Variants in KCNIP4 observed in about 807,000 individuals in gnomAD.
The protein encoded by KCNIP4 is Kv channel-interacting protein 4.
Under a neutral mutation model 34.0 loss-of-function variants are expected in KCNIP4, and 12 were observed. The observed-to-expected ratio is 0.35, with a 90% CI of 0.23 to 0.57. KCNIP4 has a LOEUF of 0.57. Ranked by LOEUF, KCNIP4 falls within the 20% of genes least tolerant of loss-of-function variation. The pLI, the probability that KCNIP4 is intolerant of heterozygous loss-of-function variation, is 0.83. For missense variants in KCNIP4, 238 were observed against 311.7 expected, an observed-to-expected ratio of 0.76 and a Z score of 1.78; for synonymous variants, 124 against 102.2, an observed-to-expected ratio of 1.21 and a Z score of -1.29.
chr4:21,025,620 T>C lies in KCNIP4; in HGVS notation c.62-142911A>G, dbSNP rs567588416. Among the ~76,000 whole-genome samples, 11 of 138,572 alleles carry C rather than the reference T, an allele frequency of 7.9e-5. No individual in the cohort carries two copies. In the East Asian group the frequency reaches 1.8e-3, roughly 22 times the overall value. 90.9% of individuals were successfully genotyped at this position (138,572 alleles called of 152,430 possible). On this transcript the variant is annotated intron_variant, in intron 1 of 8. Transcript: ENST00000382152. Reference sequence around the variant, plus strand: ...CCAGGCTAGAGTGCAGTGGTGCGATTTCGCCTCACTGCCAGCTCTGCCTCC... The same window carrying C: ...CCAGGCTAGAGTGCAGTGGTGCGATCTCGCCTCACTGCCAGCTCTGCCTCC...
chr4:21,697,991 G>A (rs1712526455), intron 1 of KCNIP4: 1 of 152,572 alleles, frequency 6.6e-6, no homozygotes, highest in Admixed American at 6.6e-5. Flanking sequence ...AAAGGAGGTG[G>A]GGAGAGGGAA....
At chr4:21,705,583 G>A (rs1287313102) in intron 1 of KCNIP4, among the ~76,000 whole-genome samples, 1 of 152,080 alleles carries the variant, frequency 6.6e-6, no homozygotes, top group African/African-American at 2.4e-5. Flanking sequence ...ATGGGGAACG[G>A]GGAAAGAAAC....
At chr4:21,852,970 C>T (rs1724504994) in intron 1 of KCNIP4, 1 of 152,168 alleles carries the variant, frequency 6.6e-6, no homozygotes, top group South Asian at 2.1e-4. Flanking sequence ...AGCTTTTTAA[C>T]ATACAATCAC....
chr4:21,571,563 C>A (rs146030821), intron 1 of KCNIP4, among the ~76,000 whole-genome samples: 1 of 152,154 alleles, frequency 6.6e-6, no homozygotes, highest in Non-Finnish European at 1.5e-5. Flanking sequence ...AGGTATTATG[C>A]AAGTGTTAAC....
At chr4:21,484,430 T>TAAAAA (rs71191509) in intron 1 of KCNIP4, among the ~76,000 whole-genome samples, 17,030 of 149,228 alleles carry the variant, frequency 0.11, 1,111 homozygotes, top group South Asian at 0.17. Context: ...TCCGTCACAA[T>TAAAAA]AAAAAAAAAA....
chr4:21,672,835 G>A (rs1749607275), intron 1 of KCNIP4, among the ~76,000 whole-genome samples: 1 of 152,208 alleles, frequency 6.6e-6, no homozygotes, highest in Admixed American at 6.5e-5. Context: ...TCAAGGTATA[G>A]GCTAGAGCCA....
intron 1 of KCNIP4, among the ~76,000 whole-genome samples, chr4:21,148,026 A>T (rs569050075): frequency 2.7e-4 from 41 of 151,018 alleles, no homozygotes; most frequent in African/African-American, 9.5e-4. Context: ...TACTATTTTT[A>T]TGAATTCTGG....
chr4:20,821,802 A>C (rs1302351944), intron 3 of KCNIP4, among the ~76,000 whole-genome samples: 4 of 152,274 alleles, frequency 2.6e-5, no homozygotes, highest in African/African-American at 9.6e-5. Context: ...TTGCTGCAAA[A>C]GACATTTTTC....
intron 1 of KCNIP4, among the ~76,000 whole-genome samples, chr4:21,275,542 A>G (rs1325485328): frequency 6.6e-6 from 1 of 152,222 alleles, no homozygotes; most frequent in Admixed American, 6.5e-5. Context: ...ACCACAGGCC[A>G]GGTCTAAATA....
chr4:20,978,112 G>A (rs192232148), intron 1 of KCNIP4, among the ~76,000 whole-genome samples: 1 of 152,266 alleles, frequency 6.6e-6, no homozygotes, highest in African/African-American at 2.4e-5. Context: ...CATATAAGCG[G>A]GGACTCTGCA....
intron 1 of KCNIP4, among the ~76,000 whole-genome samples, chr4:21,192,749 T>G (rs1050805105): frequency 1.3e-4 from 19 of 151,968 alleles, no homozygotes; most frequent in African/African-American, 4.6e-4. Flanking sequence ...AATAAAAAAA[T>G]TCTTTATTTA....
chr4:20,777,040 C>T lies in KCNIP4; in HGVS notation c.289-18150G>A, dbSNP rs144289329. Among the ~76,000 whole-genome samples the T allele has an allele frequency of 4.1e-3, 628 of 152,122 alleles. 4 individuals carry two copies. The highest frequency in any genetic ancestry group is 0.014 in the African/African-American group (595 of 41,498). ...TCTCCATTATGATCATATTGGGAGG[C>T]GGGGTCTTTGGGAGGTGTGTTAGTT... is the stretch of plus-strand genomic sequence containing the variant. On this transcript the variant is annotated intron_variant, in intron 3 of 8. Coordinates refer to ENST00000382152, the MANE Select transcript of KCNIP4 (RefSeq NM_025221.6).
At chr4:21,330,643 G>A (rs1456672135) in intron 1 of KCNIP4, among the ~76,000 whole-genome samples, 2 of 152,040 alleles carry the variant, frequency 1.3e-5, no homozygotes, top group African/African-American at 2.4e-5. Flanking sequence ...ACCCTATAGA[G>A]CATTCCGCAT....
intron 1 of KCNIP4, among the ~76,000 whole-genome samples, chr4:21,288,647 A>T (rs780182425): frequency 5.9e-5 from 9 of 152,168 alleles, no homozygotes; most frequent in Non-Finnish European, 5.9e-5. Context: ...ATGGTGCCCA[A>T]CATTACAAAT....
intron 1 of KCNIP4, among the ~76,000 whole-genome samples, chr4:21,179,973 C>A (rs904904962): frequency 6.6e-6 from 1 of 152,092 alleles, no homozygotes; most frequent in East Asian, 1.9e-4. Context: ...ATGCACTGAG[C>A]AAAGCACAGA....
intron 1 of KCNIP4, among the ~76,000 whole-genome samples, chr4:21,793,367 T>C (rs7674954): frequency 0.28 from 42,851 of 151,948 alleles, 10,154 homozygotes; most frequent in African/African-American, 0.65. Flanking sequence ...AAGCAATTCT[T>C]CTGCCTCAGC....
chr4:21,218,209 T>A (rs987269247), intron 1 of KCNIP4, among the ~76,000 whole-genome samples: 3 of 151,762 alleles, frequency 2.0e-5, no homozygotes, highest in Admixed American at 1.3e-4. Context: ...GAGACAGAGT[T>A]TCACCATGTT....
chr4:20,983,254 C>T (rs932358474), intron 1 of KCNIP4, among the ~76,000 whole-genome samples: 4 of 152,176 alleles, frequency 2.6e-5, no homozygotes, highest in Non-Finnish European at 5.9e-5. Flanking sequence ...CAATGAGACT[C>T]ACTGGGGAAT....
chr4:21,293,050 G>C (rs767776756), intron 1 of KCNIP4, among the ~76,000 whole-genome samples: 1 of 152,102 alleles, frequency 6.6e-6, no homozygotes, highest in Non-Finnish European at 1.5e-5. Context: ...GGTGATACTC[G>C]ACATCTGTAG....
Sources: gnomAD v4.1 joint callset for allele counts (sites outside exome capture counted in the v4.1 genomes callset) on GRCh38, gnomAD v4.1.1 for gene constraint, MANE v1.5 for transcripts, NCBI Gene and HGNC (gene_info 2026-07-23, HGNC 2026-07-21) for gene names.